The following DPH6 variants were observed in gnomAD, a reference collection of about 807,000 sequenced individuals.
DPH6 encodes the protein diphthamine biosynthesis 6.
In DPH6, 33 loss-of-function variants were observed where a neutral mutation model predicts 38.2. The observed-to-expected ratio is 0.86, with a 90% CI of 0.65 to 1.15. The LOEUF (loss-of-function observed/expected upper bound fraction) is 1.15, where lower values mean the gene tolerates loss of function less well. DPH6 is among the 50% of genes most tolerant of loss of function. The pLI is 0.00. For missense variants in DPH6, 325 were observed against 320.0 expected (o/e 1.02, Z -0.12); for synonymous variants, 108 against 103.0 (o/e 1.05, Z -0.30).
intron 3 of DPH6, among the ~76,000 whole-genome samples, chr15:35,363,575 T>C (rs562497650): frequency 6.6e-6 from 1 of 152,158 alleles, no homozygotes; most frequent in East Asian, 1.9e-4. Context: ...ATCTAATATT[T>C]TTTGTCTTTA....
At chr15:35,439,993 C>A (rs916596521) in intron 5 of DPH6, among the ~76,000 whole-genome samples, 4 of 152,126 alleles carry the variant, frequency 2.6e-5, no homozygotes, top group African/African-American at 9.7e-5. Context: ...AATTATGTTT[C>A]AAAACTTACA....
intron 3 of DPH6, among the ~76,000 whole-genome samples, chr15:35,481,821 T>C (rs915498786): frequency 6.6e-6 from 1 of 152,166 alleles, no homozygotes; most frequent in Non-Finnish European, 1.5e-5. Flanking sequence ...TTTATAACTT[T>C]TTAAAATATT....
intron 3 of DPH6, among the ~76,000 whole-genome samples, chr15:35,471,123 A>G (rs1248574539): frequency 1.3e-5 from 2 of 152,328 alleles, no homozygotes; most frequent in Middle Eastern, 3.4e-3. Flanking sequence ...TGAGGCAACT[A>G]ATGTAACATG....
chr15:35,158,912 T>C, the DPH6 span, among the ~76,000 whole-genome samples: 6 of 152,092 alleles, frequency 3.9e-5, no homozygotes, highest in Non-Finnish European at 1.5e-5. Context: ...CTGCACCAGG[T>C]AGCAAAGTTG....
intron 3 of DPH6, among the ~76,000 whole-genome samples, chr15:35,259,871 G>A (rs527640773): frequency 6.6e-6 from 1 of 152,194 alleles, no homozygotes; most frequent in Admixed American, 6.5e-5. Flanking sequence ...GAAGCAGAGA[G>A]GGAGTCACTA....
At chr15:35,148,240 A>G in the DPH6 span, among the ~76,000 whole-genome samples, 2 of 152,154 alleles carry the variant, frequency 1.3e-5, no homozygotes, top group African/African-American at 4.8e-5. Flanking sequence ...AAGTTATTTC[A>G]TTTTTCTTCC....
intron 3 of DPH6, among the ~76,000 whole-genome samples, chr15:35,224,002 G>A (rs929453522): frequency 2.0e-5 from 3 of 150,322 alleles, no homozygotes; most frequent in African/African-American, 7.3e-5. Flanking sequence ...TTTTCAGAAT[G>A]TCATAGAACC....
At chr15:35,354,478 T>C (rs1189360871) in intron 3 of DPH6, among the ~76,000 whole-genome samples, 1 of 151,976 alleles carries the variant, frequency 6.6e-6, no homozygotes, top group Non-Finnish European at 1.5e-5. Flanking sequence ...TTATAGAGAG[T>C]TTTTAGCATG....
intron 3 of DPH6, among the ~76,000 whole-genome samples, chr15:35,354,188 G>A (rs556504796): frequency 1.3e-5 from 2 of 152,158 alleles, no homozygotes; most frequent in Non-Finnish European, 2.9e-5. Flanking sequence ...GGGCTGACAC[G>A]ATGGGGCTTC....
At chr15:35,528,320 A>C (rs2055035583) in intron 3 of DPH6, among the ~76,000 whole-genome samples, 1 of 152,174 alleles carries the variant, frequency 6.6e-6, no homozygotes, top group Non-Finnish European at 1.5e-5. Flanking sequence ...TAAAGAGATG[A>C]CAATGACAGG....
At chr15:35,454,651 T>C (rs1324532630) in intron 4 of DPH6, 96 bp downstream of exon 4, 5 of 1,026,562 alleles carry the variant, frequency 4.9e-6, no homozygotes, top group Non-Finnish European at 7.3e-6. Context: ...TAGACTACCA[T>C]ACCTATTTAT....
chr15:35,397,523 T>A (rs943444100), intron 6 of DPH6, among the ~76,000 whole-genome samples: 3 of 150,552 alleles, frequency 2.0e-5, no homozygotes, highest in Non-Finnish European at 4.5e-5. Context: ...GGAGAGGAGG[T>A]GACAGCATTA....
At chr15:35,376,086 A>G (rs1301308904) in intron 7 of DPH6, among the ~76,000 whole-genome samples, 1 of 152,078 alleles carries the variant, frequency 6.6e-6, no homozygotes, top group African/African-American at 2.4e-5. Flanking sequence ...GTGCTTCAGT[A>G]TTGCATTTAT....
intron 3 of DPH6, among the ~76,000 whole-genome samples, chr15:35,324,169 T>C (rs1048600551): frequency 6.6e-6 from 1 of 152,140 alleles, no homozygotes; most frequent in Non-Finnish European, 1.5e-5. Flanking sequence ...GTTAATACAG[T>C]GCCCAGCATA....
At chr15:35,328,571 T>A (rs2052303319), downstream of DPH6, among the ~76,000 whole-genome samples, 1 of 152,132 alleles carries the variant, frequency 6.6e-6, no homozygotes, top group African/African-American at 2.4e-5. Flanking sequence ...GAAAAGGTGA[T>A]AAGAGAACAA....
At chr15:35,399,530 T>A (rs1203790323) in intron 6 of DPH6, among the ~76,000 whole-genome samples, 1 of 152,190 alleles carries the variant, frequency 6.6e-6, no homozygotes, top group Non-Finnish European at 1.5e-5. Context: ...AAACTGAGTA[T>A]TATTCCTGTT....
At chr15:35,184,544 T>TA in the DPH6 span, among the ~76,000 whole-genome samples, 18 of 145,898 alleles carry the variant, frequency 1.2e-4, no homozygotes, top group Admixed American at 2.0e-4. Context: ...GACGTTGACC[T>TA]AAAAAAAAAA....
chr15:35,352,497 T>C (rs1041508112), intron 3 of DPH6, among the ~76,000 whole-genome samples: 1 of 152,200 alleles, frequency 6.6e-6, no homozygotes, highest in Non-Finnish European at 1.5e-5. Context: ...GTTCTCTTTG[T>C]TCAATTCCCA....
At chr15:35,471,905 C>CA in intron 3 of DPH6, among the ~76,000 whole-genome samples, 1 of 152,174 alleles carries the variant, frequency 6.6e-6, no homozygotes. Context: ...TATCTTCAAT[C>CA]AAAAAAAGTG....
Sources: gnomAD v4.1 joint callset for allele counts (sites outside exome capture counted in the v4.1 genomes callset) on GRCh38, gnomAD v4.1.1 for gene constraint, MANE v1.5 for transcripts, NCBI Gene and HGNC (gene_info 2026-07-23, HGNC 2026-07-21) for gene names.